The following PRDM11 variants were observed in gnomAD, a reference collection of about 807,000 sequenced individuals.
The protein encoded by PRDM11 is PR/SET domain 11, also known as PR domain-containing protein 11.
A neutral mutation model predicts 97.8 loss-of-function variants in PRDM11; 20 were observed. The ratio of observed to expected loss-of-function variants is 0.20; its 90% confidence interval spans 0.14 to 0.30. The LOEUF (loss-of-function observed/expected upper bound fraction) is 0.30, where lower values mean the gene tolerates loss of function less well. Ranked by LOEUF, PRDM11 falls within the 10% of genes least tolerant of loss-of-function variation. The pLI is 1.00. For missense variants in PRDM11, 1,139 were observed against 1,555.2 expected, an observed-to-expected ratio of 0.73 and a Z score of 4.50; for synonymous variants, 599 against 637.7, an observed-to-expected ratio of 0.94 and a Z score of 0.91.
At chr11:45,153,888 CAT>C (rs1851723583) in intron 1 of PRDM11, among the ~76,000 whole-genome samples, 1 of 152,202 alleles carries the variant, frequency 6.6e-6, no homozygotes, top group African/African-American at 2.4e-5. Context: ...CCCGCATCCA[CAT>C]ATGGATGAGG....
chr11:45,203,623 A>AAT (rs1853408192), intron 4 of PRDM11, among the ~76,000 whole-genome samples: 1 of 143,950 alleles, frequency 6.9e-6, no homozygotes. Context: ...TACTCCCATA[A>AAT]TTTTTTTTTT....
chr11:45,119,502 C>T (rs1033797147), intron 1 of PRDM11, among the ~76,000 whole-genome samples: 1 of 151,466 alleles, frequency 6.6e-6, no homozygotes, highest in East Asian at 1.9e-4. Flanking sequence ...AGGTGGAGGG[C>T]GCCTGTAGTC....
chr11:45,102,579 G>A (rs1055631018), intron 1 of PRDM11, among the ~76,000 whole-genome samples: 4 of 152,084 alleles, frequency 2.6e-5, no homozygotes, highest in African/African-American at 9.7e-5. Context: ...TTCACACCGT[G>A]CCACAGCCTC....
intron 1 of PRDM11, among the ~76,000 whole-genome samples, chr11:45,130,691 C>G (rs937913034): frequency 6.6e-6 from 1 of 152,154 alleles, no homozygotes; most frequent in East Asian, 1.9e-4. Context: ...ATATTTACAG[C>G]TAAAAGCATT....
upstream of PRDM11, among the ~76,000 whole-genome samples, chr11:45,144,389 G>A (rs1446653864): frequency 6.6e-6 from 1 of 152,180 alleles, no homozygotes; most frequent in Non-Finnish European, 1.5e-5. Context: ...AATGCCTGAG[G>A]ACCCAGTCTC....
chr11:45,170,231 T>C (rs1037201059), intron 1 of PRDM11, among the ~76,000 whole-genome samples: 8 of 151,880 alleles, frequency 5.3e-5, no homozygotes. Flanking sequence ...TAATCCCAGC[T>C]ACTAGGAAGG....
intron 3 of PRDM11, 103 bp from the exon 4 acceptor site, chr11:45,182,758 G>T: frequency 7.3e-7 from 1 of 1,374,068 alleles, no homozygotes; most frequent in Non-Finnish European, 9.9e-7. Flanking sequence ...GCCTGCAGCT[G>T]GCTGTCCATG....
At chr11:45,152,965 G>A (rs1053706350) in intron 1 of PRDM11, among the ~76,000 whole-genome samples, 2 of 152,204 alleles carry the variant, frequency 1.3e-5, no homozygotes, top group African/African-American at 2.4e-5. Context: ...TCCATGTTCC[G>A]AAAAACAGCA....
intron 1 of PRDM11, among the ~76,000 whole-genome samples, chr11:45,128,185 T>A (rs1852626551): frequency 6.6e-6 from 1 of 152,250 alleles, no homozygotes; most frequent in East Asian, 1.9e-4. Context: ...TGCCGTTTTT[T>A]AAGCCCGTTG....
chr11:45,107,856 G>GTTTTTT, intron 1 of PRDM11, among the ~76,000 whole-genome samples: 1 of 149,116 alleles, frequency 6.7e-6, no homozygotes. Flanking sequence ...GTGAGACAGA[G>GTTTTTT]TCTCGCTCTG....
chr11:45,137,605 G>T (rs915028038), intron 1 of PRDM11, among the ~76,000 whole-genome samples: 6 of 151,970 alleles, frequency 3.9e-5, no homozygotes. Context: ...AAAATTAGCC[G>T]GGCATGGTGG....
chr11:45,098,370 A>G (rs1323522023), intron 1 of PRDM11, among the ~76,000 whole-genome samples: 1 of 152,244 alleles, frequency 6.6e-6, no homozygotes, highest in Non-Finnish European at 1.5e-5. Context: ...TGCACCAGAC[A>G]CCAGGGAAGG....
rs1441015913 is a variant in PRDM11 at position 45,226,704 on chromosome 11, C to G, written c.2079C>G (p.Ser693=). The part of the protein sequence containing the change: ...SDGPPATEFL[S]LQELGFSSTE... ...GGCCCCCGGCCACAGAGTTCCTGTC[C>G]CTGCAGGAGCTGGGATTCTCTAGCA... Residue 693 remains serine, a synonymous_variant, in exon 8 of 8, where the codon TCC becomes TCG. Transcript: ENST00000683152. 6 of 1,533,976 alleles carry G rather than the reference C, an allele frequency of 3.9e-6. No homozygotes were observed. Among genetic ancestry groups the G allele is most frequent in the Non-Finnish European group, 5.2e-6 (6 of 1,146,728 alleles).
upstream of PRDM11, among the ~76,000 whole-genome samples, chr11:45,143,694 G>C (rs1178667704): frequency 2.6e-5 from 4 of 152,092 alleles, no homozygotes; most frequent in African/African-American, 9.7e-5. Context: ...TGTGACCTTG[G>C]GCAAGTCTCT....
At chr11:45,137,434 A>AAAAAAAG (rs1159847567) in intron 1 of PRDM11, among the ~76,000 whole-genome samples, 2 of 152,078 alleles carry the variant, frequency 1.3e-5, no homozygotes, top group Admixed American at 6.5e-5. Context: ...CGTCTCAAAA[A>AAAAAAAG]AAAAAAGAAA....
chr11:45,095,925 TG>T (rs1326463090), intron 1 of PRDM11: 1 of 779,816 alleles, frequency 1.3e-6, no homozygotes, highest in Non-Finnish European at 2.4e-6. Flanking sequence ...GCTGCTAATG[TG>T]GGGGCTCCTC....
At position 45,226,019 on chromosome 11, in the gene PRDM11, C is replaced by T. The variant is rs1383614791; in HGVS notation, c.1394C>T (p.Pro465Leu). ...GCCTCAGAAAGCATGGTCTCCGGCC[C>T]CGCCATCATGGAGGATGATGACCAG... is the stretch of plus-strand genomic sequence containing the variant. ...PAASESMVSGPAIMEDDDQEV... is the reference protein window; with the variant it reads ...PAASESMVSGLAIMEDDDQEV... Residue 465 changes from proline (P) to leucine (L), a missense_variant, in exon 8 of 8, where the codon CCC (proline) becomes CTC (leucine). By Grantham distance (98) the Pro-to-Leu change is moderately conservative. Transcript: ENST00000683152. The T allele has an allele frequency of 1.3e-6, 2 of 1,507,686 alleles. No individual in the cohort carries two copies. The highest frequency in any genetic ancestry group is 1.2e-5 in the South Asian group (1 of 82,506). 93.4% of individuals were successfully genotyped at this position (1,507,686 alleles called of 1,614,324 possible).
intron 1 of PRDM11, among the ~76,000 whole-genome samples, chr11:45,155,871 G>A (rs901928599): frequency 2.6e-5 from 4 of 152,058 alleles, no homozygotes; most frequent in African/African-American, 7.2e-5. Flanking sequence ...AGCGACAGCC[G>A]AGCCCAAATG....
chr11:45,112,411 GT>G (rs920842546), intron 1 of PRDM11, among the ~76,000 whole-genome samples: 1 of 152,182 alleles, frequency 6.6e-6, no homozygotes, highest in African/African-American at 2.4e-5. Flanking sequence ...GTGTACAGGT[GT>G]TTTTTTCATA....
Sources: gnomAD v4.1 joint callset for allele counts (sites outside exome capture counted in the v4.1 genomes callset) on GRCh38, gnomAD v4.1.1 for gene constraint, MANE v1.5 for transcripts, NCBI Gene and HGNC (gene_info 2026-07-23, HGNC 2026-07-21) for gene names.